The following ARB2A variants were observed in gnomAD, a reference collection of about 807,000 sequenced individuals.
ARB2A encodes cotranscriptional regulator ARB2A.
chr5:93,930,627 G>C, the ARB2A span, among the ~76,000 whole-genome samples: 1 of 152,146 alleles, frequency 6.6e-6, no homozygotes, highest in Non-Finnish European at 1.5e-5. Flanking sequence ...TGTAAGAAGA[G>C]CACCAGATGA....
At chr5:93,674,369 C>A in the ARB2A span, among the ~76,000 whole-genome samples, 2 of 152,210 alleles carry the variant, frequency 1.3e-5, no homozygotes, top group Non-Finnish European at 2.9e-5. Context: ...TGACACTCCA[C>A]AAACACATTT....
the ARB2A span, chr5:93,964,526 A>G: frequency 6.4e-7 from 1 of 1,563,024 alleles, no homozygotes; most frequent in South Asian, 1.2e-5. Context: ...GTGATGATCT[A>G]AGTAGGAAAG....
the ARB2A span, among the ~76,000 whole-genome samples, chr5:93,652,342 C>T: frequency 1.3e-5 from 2 of 152,250 alleles, no homozygotes; most frequent in South Asian, 2.1e-4. Flanking sequence ...CTGATTTAAA[C>T]TCATTTTTAA....
At chr5:93,921,535 A>G in the ARB2A span, among the ~76,000 whole-genome samples, 44,808 of 151,934 alleles carry the variant, frequency 0.29, 6,903 homozygotes, top group South Asian at 0.51. Context: ...CATTGAGAAG[A>G]AAGGATATCT....
the ARB2A span, among the ~76,000 whole-genome samples, chr5:94,093,834 C>T: frequency 2.6e-5 from 4 of 152,140 alleles, no homozygotes; most frequent in African/African-American, 9.7e-5. Flanking sequence ...AGCTGTAAAC[C>T]TGTGAAACCT....
At chr5:93,757,851 C>T in the ARB2A span, among the ~76,000 whole-genome samples, 1 of 152,070 alleles carries the variant, frequency 6.6e-6, no homozygotes, top group East Asian at 1.9e-4. Flanking sequence ...AACCAACGTA[C>T]ACAAGCAACA....
At chr5:93,683,369 A>G in the ARB2A span, 54 of 1,598,634 alleles carry the variant, frequency 3.4e-5, no homozygotes, top group South Asian at 4.7e-4. Context: ...CTCCACAGCT[A>G]CTAAGTGCTG....
At chr5:93,868,522 T>C in the ARB2A span, among the ~76,000 whole-genome samples, 1 of 152,168 alleles carries the variant, frequency 6.6e-6, no homozygotes, top group Non-Finnish European at 1.5e-5. Context: ...AATATGCTGA[T>C]TGGCTGACTA....
At chr5:93,683,731 G>A in the ARB2A span, 23 of 1,607,882 alleles carry the variant, frequency 1.4e-5, no homozygotes, top group African/African-American at 1.7e-4. Flanking sequence ...GTGGCGGCAC[G>A]CACTTAGGTA....
the ARB2A span, among the ~76,000 whole-genome samples, chr5:93,706,422 G>A: frequency 1.3e-5 from 2 of 152,164 alleles, no homozygotes; most frequent in Non-Finnish European, 2.9e-5. Flanking sequence ...ATTGCTTTAT[G>A]GGTCTAAAGT....
chr5:94,050,103 C>T, the ARB2A span, among the ~76,000 whole-genome samples: 3 of 151,906 alleles, frequency 2.0e-5, no homozygotes, highest in Non-Finnish European at 4.4e-5. Flanking sequence ...CTATTTCTGG[C>T]TAATTTTTTT....
chr5:93,754,315 C>G, the ARB2A span, among the ~76,000 whole-genome samples: 2 of 152,128 alleles, frequency 1.3e-5, no homozygotes, highest in Admixed American at 6.6e-5. Context: ...TGTTAGTCTC[C>G]CTTACTAGAA....
the ARB2A span, among the ~76,000 whole-genome samples, chr5:93,800,075 CTT>C: frequency 6.6e-6 from 1 of 151,956 alleles, no homozygotes; most frequent in Non-Finnish European, 1.5e-5. Context: ...ATCTATTTCT[CTT>C]TGAAAAATTT....
At chr5:94,040,304 T>C in the ARB2A span, among the ~76,000 whole-genome samples, 3 of 151,916 alleles carry the variant, frequency 2.0e-5, no homozygotes, top group African/African-American at 7.3e-5. Context: ...TGAGAGCTAA[T>C]GGGACTGCTG....
At chr5:94,041,800 G>A in the ARB2A span, among the ~76,000 whole-genome samples, 178 of 152,162 alleles carry the variant, frequency 1.2e-3, no homozygotes, top group Non-Finnish European at 2.0e-3. Context: ...ATAAGGCCTG[G>A]GAAATGTGGA....
At chr5:93,697,659 A>C in the ARB2A span, among the ~76,000 whole-genome samples, 1 of 152,170 alleles carries the variant, frequency 6.6e-6, no homozygotes, top group Non-Finnish European at 1.5e-5. Flanking sequence ...CAGGGAATTA[A>C]TTTATAAATC....
the ARB2A span, chr5:93,862,244 A>G: frequency 6.6e-6 from 1 of 152,338 alleles, no homozygotes; most frequent in East Asian, 1.9e-4. Context: ...CATACATTAT[A>G]TCAGTGTTAC....
At chr5:93,740,537 C>G in the ARB2A span, 1 of 1,539,792 alleles carries the variant, frequency 6.5e-7, no homozygotes, top group African/African-American at 1.4e-5. Flanking sequence ...CCCTTCTTCT[C>G]CCCTCTCCAA....
chr5:93,947,036 T>C, the ARB2A span, among the ~76,000 whole-genome samples: 3 of 152,228 alleles, frequency 2.0e-5, no homozygotes, highest in African/African-American at 7.2e-5. Context: ...TTCTGCATAC[T>C]GTCTTCCTTA....
Sources: allele counts gnomAD v4.1 joint callset (sites outside exome capture counted in the v4.1 genomes callset), GRCh38; gene constraint gnomAD v4.1.1; transcripts MANE v1.5; gene names NCBI Gene and HGNC (gene_info 2026-07-23, HGNC 2026-07-21).